The following GRID1 variants were observed in gnomAD, a reference collection of about 807,000 sequenced individuals.
GRID1 encodes the protein glutamate ionotropic receptor delta type subunit 1, also known as glutamate receptor ionotropic, delta-1.
A neutral mutation model predicts 98.0 loss-of-function variants in GRID1; 28 were observed. That is an observed-to-expected ratio of 0.29 (90% CI 0.21 to 0.39). The LOEUF is 0.39. Ranked by LOEUF, GRID1 falls within the 10% of genes least tolerant of loss-of-function variation. GRID1 has a pLI of 1.00. For missense variants in GRID1, 1,111 were observed against 1,340.5 expected, an observed-to-expected ratio of 0.83 and a Z score of 2.67; for synonymous variants, 553 against 538.5, an observed-to-expected ratio of 1.03 and a Z score of -0.37.
intron 3 of GRID1, among the ~76,000 whole-genome samples, chr10:86,180,045 G>A (rs1010917037): frequency 1.3e-5 from 2 of 152,158 alleles, no homozygotes; most frequent in African/African-American, 4.8e-5. Context: ...ACCTATGGCA[G>A]AAGCCAAGTC....
Position 85,728,801 on chromosome 10 carries a change from T to C in GRID1, c.1335+712A>G, listed in dbSNP as rs567838743. 3.3e-5 allele frequency among the ~76,000 whole-genome samples: 5 copies of C among 152,272 alleles called. No individual in the cohort carries two copies. In the East Asian group the frequency reaches 9.7e-4, roughly 29 times the overall value. ...TGTGTTGGGAAATAGGGTGTAAAGC[T>C]TATCTGTGGTGTGCAAACAGAGAAT... On this transcript the variant is annotated intron_variant, in intron 9 of 15. Transcript: ENST00000327946.
At chr10:85,785,624 G>GCA (rs1413845854) in intron 8 of GRID1, among the ~76,000 whole-genome samples, 1 of 152,120 alleles carries the variant, frequency 6.6e-6, no homozygotes, top group African/African-American at 2.4e-5. Flanking sequence ...CCAAGGACAG[G>GCA]CACTGACTTC....
intron 4 of GRID1, among the ~76,000 whole-genome samples, chr10:85,989,231 G>T (rs1003562189): frequency 6.6e-6 from 1 of 152,214 alleles, no homozygotes; most frequent in Non-Finnish European, 1.5e-5. Context: ...CATGCAAAAA[G>T]TGTGTCACAG....
chr10:86,335,649 A>T (rs772772845), intron 2 of GRID1, among the ~76,000 whole-genome samples: 6 of 152,108 alleles, frequency 3.9e-5, no homozygotes, highest in Non-Finnish European at 7.4e-5. Context: ...GAAGAAACAC[A>T]CTCATGAGGT....
At position 85,717,085 on chromosome 10, in the gene GRID1, A is replaced by C. The variant is rs111293168; in HGVS notation, c.1997+5918T>G. On this transcript the variant is annotated intron_variant, in intron 12 of 15. Coordinates refer to ENST00000327946, the MANE Select transcript of GRID1 (RefSeq NM_017551.3). ...TTAATAAAATTGTGTTATACATTTG[A>C]GATTGGCTAAAACAGCAGATCTTAA... Among the ~76,000 whole-genome samples the C allele has an allele frequency of 4.7e-3, 709 of 152,346 alleles. 8 individuals carry two copies. Among genetic ancestry groups the C allele is most frequent in the African/African-American group, 0.015 (614 of 41,586 alleles).
At chr10:85,821,516 C>CA (rs1157209045) in intron 8 of GRID1, among the ~76,000 whole-genome samples, 900 of 9,036 alleles carry the variant, frequency 0.1, 173 homozygotes, top group East Asian at 0.15. Context: ...GACTTCATCT[C>CA]AAAAAAAAAA....
chr10:86,125,253 G>A lies in GRID1; in HGVS notation c.726+13566C>T, dbSNP rs116780640. Among the ~76,000 whole-genome samples the A allele has an allele frequency of 8.0e-3, 1,214 of 152,316 alleles. 19 individuals carry two copies. The highest frequency in any genetic ancestry group is 0.027 in the African/African-American group (1,122 of 41,574). On this transcript the variant is annotated intron_variant, in intron 4 of 15. Coordinates refer to ENST00000327946, the MANE Select transcript of GRID1 (RefSeq NM_017551.3). Reference sequence around the variant, plus strand: ...ATAGGAAGCTACTTCTCATGCTAACGGTCAGGCAGGCCGAAACCCTCCCCA... The same window carrying A: ...ATAGGAAGCTACTTCTCATGCTAACAGTCAGGCAGGCCGAAACCCTCCCCA...
intron 5 of GRID1, among the ~76,000 whole-genome samples, chr10:85,907,917 C>A (rs973398774): frequency 6.6e-6 from 1 of 152,000 alleles, no homozygotes; most frequent in African/African-American, 2.4e-5. Flanking sequence ...TAATAAACTG[C>A]AAAAAGAAAA....
intron 4 of GRID1, among the ~76,000 whole-genome samples, chr10:86,012,665 T>C (rs900219426): frequency 1.3e-5 from 2 of 152,174 alleles, no homozygotes; most frequent in South Asian, 2.1e-4. Context: ...GGGAGGTAAC[T>C]GGATCATGAA....
At chr10:86,130,215 A>C (rs1844814822) in intron 4 of GRID1, among the ~76,000 whole-genome samples, 1 of 109,420 alleles carries the variant, frequency 9.1e-6, no homozygotes, top group Non-Finnish European at 1.8e-5. Flanking sequence ...CAGCTAGCTG[A>C]TGCAGAGCCC....
chr10:86,357,505 A>G (rs1848548442), intron 2 of GRID1, among the ~76,000 whole-genome samples: 1 of 152,192 alleles, frequency 6.6e-6, no homozygotes, highest in South Asian at 2.1e-4. Flanking sequence ...TGAACCCAAA[A>G]TTTGAGGAAG....
chr10:85,746,450 C>T (rs1471424308), intron 8 of GRID1, among the ~76,000 whole-genome samples: 1 of 152,156 alleles, frequency 6.6e-6, no homozygotes, highest in Non-Finnish European at 1.5e-5. Flanking sequence ...CCTAACCTCA[C>T]CCCTCTCCCT....
intron 2 of GRID1, among the ~76,000 whole-genome samples, chr10:86,312,614 C>T (rs977942021): frequency 1.3e-5 from 2 of 152,254 alleles, no homozygotes; most frequent in Non-Finnish European, 2.9e-5. Context: ...TTCCAACACT[C>T]ACTAGTCCTG....
At chr10:86,147,306 C>A (rs775601394) in intron 3 of GRID1, among the ~76,000 whole-genome samples, 4 of 152,146 alleles carry the variant, frequency 2.6e-5, no homozygotes, top group Non-Finnish European at 5.9e-5. Context: ...TCCAAAGATA[C>A]GTACTTATTT....
chr10:86,013,208 A>C (rs1159152889), intron 4 of GRID1, among the ~76,000 whole-genome samples: 1 of 152,232 alleles, frequency 6.6e-6, no homozygotes, highest in Non-Finnish European at 1.5e-5. Context: ...CTCTCCCTGA[A>C]AATCAAGTGA....
intron 4 of GRID1, among the ~76,000 whole-genome samples, chr10:86,019,160 C>T (rs1589338873): frequency 6.6e-6 from 1 of 152,220 alleles, no homozygotes; most frequent in East Asian, 1.9e-4. Flanking sequence ...GGCCTAGCAG[C>T]TGCCTCAAAG....
chr10:85,942,577 C>T (rs1053103734), intron 4 of GRID1, among the ~76,000 whole-genome samples: 12 of 152,360 alleles, frequency 7.9e-5, no homozygotes, highest in Non-Finnish European at 1.2e-4. Context: ...TTGCATGGAC[C>T]TGGCGGACAG....
At chr10:85,944,731 G>A (rs1362027367) in intron 4 of GRID1, among the ~76,000 whole-genome samples, 1 of 152,062 alleles carries the variant, frequency 6.6e-6, no homozygotes, top group Non-Finnish European at 1.5e-5. Flanking sequence ...AATGTAGCAT[G>A]TGCATATTAT....
At chr10:85,716,449 A>G (rs935564172) in intron 12 of GRID1, among the ~76,000 whole-genome samples, 14 of 152,100 alleles carry the variant, frequency 9.2e-5, no homozygotes, top group Admixed American at 5.9e-4. Context: ...ATTGGGAGAT[A>G]TACCTAATGC....
Sources: gnomAD v4.1 joint callset for allele counts (sites outside exome capture counted in the v4.1 genomes callset) on GRCh38, gnomAD v4.1.1 for gene constraint, MANE v1.5 for transcripts, NCBI Gene and HGNC (gene_info 2026-07-23, HGNC 2026-07-21) for gene names.